PRKN: variants seen among roughly 807,000 people sequenced by gnomAD.
PRKN encodes the protein E3 ubiquitin-protein ligase parkin.
Under a neutral mutation model 59.5 loss-of-function variants are expected in PRKN, and 56 were observed. The ratio of observed to expected loss-of-function variants is 0.94; its 90% CI spans 0.76 to 1.18. PRKN has a LOEUF of 1.18. Ranked by LOEUF, PRKN falls within the 50% of genes most tolerant of loss-of-function variation. The pLI is 0.00. For missense variants in PRKN, 657 were observed against 596.4 expected (o/e 1.10, Z -1.06); for synonymous variants, 250 against 222.1 (o/e 1.13, Z -1.12).
At chr6:162,582,899 G>A (rs1172341277) in intron 1 of PRKN, among the ~76,000 whole-genome samples, 1 of 152,156 alleles carries the variant, frequency 6.6e-6, no homozygotes, top group Non-Finnish European at 1.5e-5. Context: ...ATGAAAATGT[G>A]ATTGCTATGG....
intron 6 of PRKN, among the ~76,000 whole-genome samples, chr6:161,830,796 A>G (rs560609261): frequency 2.6e-4 from 39 of 152,260 alleles, no homozygotes; most frequent in African/African-American, 9.4e-4. Flanking sequence ...TGATTTTTTA[A>G]CTGAAGAATA....
chr6:162,503,016 C>T (rs1562336816), intron 1 of PRKN, among the ~76,000 whole-genome samples: 1 of 150,490 alleles, frequency 6.6e-6, no homozygotes, highest in African/African-American at 2.4e-5. Flanking sequence ...AATAGAATAT[C>T]TTGTATTGTA....
Position 162,034,598 on chromosome 6 carries a change from T to C in PRKN, c.618+19493A>G, listed in dbSNP as rs986723924. ...TTAGGCTTAGAAGAATTCCTTATGA[T>C]GAAGAACACTTTGGTACTGATTTTG... On this transcript the variant is annotated intron_variant, in intron 5 of 11. Coordinates refer to ENST00000366898, the MANE Select transcript of PRKN (RefSeq NM_004562.3). Among the ~76,000 whole-genome samples the C allele has an allele frequency of 2.6e-5, 4 of 152,214 alleles. No homozygotes were observed. The East Asian group carries it at 5.8e-4, about 22-fold the overall frequency.
chr6:161,608,786 C>A (rs984412913), intron 7 of PRKN, among the ~76,000 whole-genome samples: 1 of 151,922 alleles, frequency 6.6e-6, no homozygotes, highest in Admixed American at 6.6e-5. Flanking sequence ...GTGATCCACC[C>A]GCCTCGGCCT....
At chr6:162,619,076 T>C (rs903197852) in intron 1 of PRKN, among the ~76,000 whole-genome samples, 1 of 152,068 alleles carries the variant, frequency 6.6e-6, no homozygotes, top group Non-Finnish European at 1.5e-5. Flanking sequence ...AAGGTGAAAC[T>C]CTTTTAGACT....
At chr6:162,486,768 C>T (rs1792557409) in intron 1 of PRKN, among the ~76,000 whole-genome samples, 1 of 152,072 alleles carries the variant, frequency 6.6e-6, no homozygotes, top group African/African-American at 2.4e-5. Context: ...CATCAGTACT[C>T]TCATATAAAA....
chr6:162,065,859 T>C (rs1778316645), intron 4 of PRKN, among the ~76,000 whole-genome samples: 1 of 152,208 alleles, frequency 6.6e-6, no homozygotes, highest in Non-Finnish European at 1.5e-5. Flanking sequence ...CTGAGAATGA[T>C]GGTTTCCAGC....
At chr6:162,101,934 G>A (rs1054862477) in intron 4 of PRKN, among the ~76,000 whole-genome samples, 2 of 152,084 alleles carry the variant, frequency 1.3e-5, no homozygotes, top group Non-Finnish European at 2.9e-5. Flanking sequence ...CCAAAATCAG[G>A]AACTCACATT....
rs962432186 is a variant in PRKN, at chr6:161,399,194, TC to T, written c.1084-12318del. On this transcript the variant is annotated intron_variant, in intron 9 of 11. Coordinates refer to ENST00000366898, the MANE Select transcript of PRKN (RefSeq NM_004562.3). This position sits in a 1 kb window ranked among gnomAD's most constrained non-coding sequence, Gnocchi z 4.4. ...CATCCCCTTTCCAGCTCCCCATCCATCCATCCCACTGAGAGCCACATCCACC... is the reference window on the plus strand; with the variant it reads ...CATCCCCTTTCCAGCTCCCCATCCATCATCCCACTGAGAGCCACATCCACC... Among the ~76,000 whole-genome samples the T allele has an allele frequency of 1.3e-5, 2 of 151,974 alleles. No homozygotes were observed. Among genetic ancestry groups the T allele is most frequent in the African/African-American group, 4.8e-5 (2 of 41,374 alleles).
At chr6:162,086,814 T>A (rs902753205) in intron 4 of PRKN, among the ~76,000 whole-genome samples, 2 of 152,208 alleles carry the variant, frequency 1.3e-5, no homozygotes, top group African/African-American at 2.4e-5. Context: ...CTGGTTAGAA[T>A]GTAAGTTCCT....
chr6:161,358,572 G>A (rs1047191812), intron 11 of PRKN, among the ~76,000 whole-genome samples: 4 of 152,062 alleles, frequency 2.6e-5, no homozygotes, highest in African/African-American at 7.2e-5. Flanking sequence ...CCGAGATTAC[G>A]CCATTGCACC....
In PRKN at chr6:162,665,084, T is replaced by C. The variant is rs182948568; in HGVS notation, c.7+62578A>G. ...AACCCACAGCCAGCATCATATTGAA[T>C]AGGCAAAAGCTGGAAGCATTCCCTT... On this transcript the variant is annotated intron_variant, in intron 1 of 11. Coordinates refer to ENST00000366898, the MANE Select transcript of PRKN (RefSeq NM_004562.3). Among the ~76,000 whole-genome samples the C allele has an allele frequency of 3.8e-3, 578 of 152,220 alleles. 4 individuals carry two copies. The highest frequency in any genetic ancestry group is 0.013 in the African/African-American group (560 of 41,558).
chr6:162,301,783 C>CA lies in PRKN; in HGVS notation c.172-39019_172-39018insT, dbSNP rs1781966360. On this transcript the variant is annotated intron_variant, in intron 2 of 11. Coordinates refer to ENST00000366898, the MANE Select transcript of PRKN (RefSeq NM_004562.3). ...ACTTCAGCAAATAAATTGGCCGGGG[C>CA]GGGGGGGGGGTGCAGAATTCACTTT... is the stretch of plus-strand genomic sequence containing the variant. 9.2e-5 allele frequency among the ~76,000 whole-genome samples: 2 copies of CA among 21,800 alleles called. 1 individual carries two copies. The highest frequency in any genetic ancestry group is 1.7e-4 in the Non-Finnish European group (2 of 11,728). 14.3% of individuals were successfully genotyped at this position (21,800 alleles called of 152,430 possible).
rs1443571256 is a variant in PRKN at position 161,576,168 on chromosome 6, T to C, written c.872-6752A>G. 6.6e-6 allele frequency among the ~76,000 whole-genome samples: 1 copy of C among 152,206 alleles called. No individual in the cohort carries two copies. The highest frequency in any genetic ancestry group is 6.5e-5 in the Admixed American group (1 of 15,274). The stretch of plus-strand genomic sequence containing the variant: ...GTCTCGACAGAGTAATTGCATTCAG[T>C]CAGCAGCAGGACTTTACAGAATCAA... On this transcript the variant is annotated intron_variant, in intron 7 of 11. Coordinates refer to ENST00000366898, the MANE Select transcript of PRKN (RefSeq NM_004562.3). This position sits in a 1 kb window ranked among gnomAD's most constrained non-coding sequence, Gnocchi z 4.6.
At chr6:161,943,524 C>T (rs976866834) in intron 6 of PRKN, among the ~76,000 whole-genome samples, 4 of 152,154 alleles carry the variant, frequency 2.6e-5, no homozygotes, top group Non-Finnish European at 5.9e-5. Context: ...TTATTTTATG[C>T]TTTAAAGAAG....
chr6:161,865,815 T>G (rs1443000341), intron 6 of PRKN, among the ~76,000 whole-genome samples: 2 of 152,210 alleles, frequency 1.3e-5, no homozygotes, highest in East Asian at 1.9e-4. Context: ...TTTCTTAACA[T>G]TCACGTGTTC....
chr6:162,322,101 A>AC (rs60891881), intron 2 of PRKN, among the ~76,000 whole-genome samples: 71,801 of 151,814 alleles, frequency 0.47, 17,618 homozygotes, highest in Middle Eastern at 0.54. Flanking sequence ...TATAGAATCT[A>AC]AAAAATGTCA....
intron 4 of PRKN, among the ~76,000 whole-genome samples, chr6:162,152,006 A>G (rs1398475844): frequency 1.3e-5 from 2 of 152,222 alleles, no homozygotes; most frequent in African/African-American, 4.8e-5. Flanking sequence ...ATTAGCAGCA[A>G]TCCATTACAA....
intron 1 of PRKN, among the ~76,000 whole-genome samples, chr6:162,549,638 T>A (rs934722545): frequency 1.1e-5 from 1 of 90,320 alleles, no homozygotes; most frequent in African/African-American, 4.8e-5. Context: ...AATGCGATAA[T>A]CTTTTTTTTT....
Sources: gnomAD v4.1 joint callset for allele counts (sites outside exome capture counted in the v4.1 genomes callset) on GRCh38, gnomAD v4.1.1 for gene constraint, Gnocchi (gnomAD v3.1) non-coding constraint, MANE v1.5 for transcripts, NCBI Gene and HGNC (gene_info 2026-07-23, HGNC 2026-07-21) for gene names.